The following NTRK3 variants were observed in gnomAD, a reference collection of about 807,000 sequenced individuals.
The protein encoded by NTRK3 is NT-3 growth factor receptor.
NTRK3 carries 24 observed loss-of-function variants against 91.7 expected under a neutral mutation model. The ratio of observed to expected loss-of-function variants is 0.26; its 90% CI spans 0.19 to 0.37. The LOEUF (loss-of-function observed/expected upper bound fraction) is 0.37. Among genes scored for constraint, NTRK3 ranks in the 10% least tolerant of loss-of-function variants. NTRK3 has a pLI of 1.00. For synonymous variants in NTRK3, 483 were observed against 404.0 expected (o/e 1.20, Z -2.34); for missense variants, 880 against 1,068.9 (o/e 0.82, Z 2.46).
At chr15:88,106,038 G>A (rs1262181735) in intron 13 of NTRK3, among the ~76,000 whole-genome samples, 1 of 152,212 alleles carries the variant, frequency 6.6e-6, no homozygotes, top group Non-Finnish European at 1.5e-5. Context: ...AGCATTTGTA[G>A]GTGTGTATGT....
At position 88,210,716 on chromosome 15, in the gene NTRK3, G is replaced by T. The variant is rs528210156; in HGVS notation, c.249-26417C>A. On this transcript the variant is annotated intron_variant, in intron 3 of 18. Coordinates refer to ENST00000394480, the Ensembl canonical transcript of NTRK3. Reference sequence around the variant, plus strand: ...GAAAGCAGAAGCCTTCTCTCATACAGCTCATATCACTGAGTTCTTCTGATT... The same window carrying T: ...GAAAGCAGAAGCCTTCTCTCATACATCTCATATCACTGAGTTCTTCTGATT... Among the ~76,000 whole-genome samples the T allele has an allele frequency of 2.1e-4, 32 of 152,190 alleles. 1 individual carries two copies. Among genetic ancestry groups the T allele is most frequent in the Non-Finnish European group, 3.7e-4 (25 of 68,044 alleles).
chr15:88,025,544 G>A (rs567153350), intron 14 of NTRK3, among the ~76,000 whole-genome samples: 1 of 152,312 alleles, frequency 6.6e-6, no homozygotes, highest in African/African-American at 2.4e-5. Flanking sequence ...GCAGTCTTAT[G>A]AAGACAGAGG....
intron 13 of NTRK3, among the ~76,000 whole-genome samples, chr15:88,095,435 T>C (rs2150806075): frequency 6.6e-6 from 1 of 152,308 alleles, no homozygotes; most frequent in South Asian, 2.1e-4. Context: ...CATTGAACCA[T>C]GGCTCACTTA....
chr15:88,003,498 C>G (rs2076260737), intron 14 of NTRK3, among the ~76,000 whole-genome samples: 1 of 152,104 alleles, frequency 6.6e-6, no homozygotes, highest in Non-Finnish European at 1.5e-5. Context: ...ACATATTGGT[C>G]TAATTTTACT....
intron 3 of NTRK3, among the ~76,000 whole-genome samples, chr15:88,216,125 C>A (rs1239604583): frequency 6.6e-6 from 1 of 152,170 alleles, no homozygotes; most frequent in Non-Finnish European, 1.5e-5. Context: ...AGTGCCCCCA[C>A]TCAATAGTGC....
chr15:87,918,236 T>G (rs1038192464), intron 17 of NTRK3, among the ~76,000 whole-genome samples: 5 of 152,198 alleles, frequency 3.3e-5, no homozygotes, highest in Admixed American at 6.5e-5. Context: ...CTATCCCACA[T>G]GCCACTGCCT....
intron 15 of NTRK3, among the ~76,000 whole-genome samples, chr15:87,934,213 G>A (rs902682282): frequency 6.6e-6 from 1 of 152,140 alleles, no homozygotes; most frequent in South Asian, 2.1e-4. Context: ...GCAGGTGGGC[G>A]CCCCGATTTC....
In NTRK3 at chr15:88,068,174, G is replaced by A. The variant is rs190841248; in HGVS notation, c.1397-35129C>T. On this transcript the variant is annotated intron_variant, in intron 13 of 18. Coordinates refer to ENST00000394480, the Ensembl canonical transcript of NTRK3. ...TGGCCAGGTGCAGTGGCTCACGTCT[G>A]TTACCCCAGCACTTTGGGAGGCTGA... Among the ~76,000 whole-genome samples the A allele has an allele frequency of 5.3e-5, 8 of 152,332 alleles. No homozygotes were observed. The East Asian group carries it at 1.4e-3, about 26-fold the overall frequency.
chr15:88,053,548 A>T (rs1391611140), intron 13 of NTRK3, among the ~76,000 whole-genome samples: 2 of 152,228 alleles, frequency 1.3e-5, no homozygotes, highest in Admixed American at 1.3e-4. Flanking sequence ...GGCCATAGGT[A>T]CGTTGGTCAG....
intron 13 of NTRK3, among the ~76,000 whole-genome samples, chr15:88,060,760 C>T (rs2046146511): frequency 1.3e-5 from 2 of 152,170 alleles, no homozygotes; most frequent in Admixed American, 6.5e-5. Flanking sequence ...AAGCCCCAGT[C>T]ACAGGCTATT....
chr15:87,984,439 G>GTTATCGCTTTT (rs2074560839), intron 14 of NTRK3, among the ~76,000 whole-genome samples: 1 of 152,218 alleles, frequency 6.6e-6, no homozygotes, highest in Non-Finnish European at 1.5e-5. Flanking sequence ...CTTGGGTGTA[G>GTTATCGCTTTT]TTATCGCTTT....
chr15:88,085,321 C>G (rs1343882166), intron 13 of NTRK3, among the ~76,000 whole-genome samples: 1 of 152,334 alleles, frequency 6.6e-6, no homozygotes, highest in South Asian at 2.1e-4. Context: ...CCCACTGACT[C>G]TGGGCTTGGC....
At chr15:88,161,714 G>C (rs1259163807) in intron 5 of NTRK3, among the ~76,000 whole-genome samples, 2 of 152,158 alleles carry the variant, frequency 1.3e-5, no homozygotes, top group African/African-American at 4.8e-5. Flanking sequence ...CTTGTAGAGT[G>C]ATCACACAGT....
chr15:88,079,835 A>C (rs1198810007), intron 13 of NTRK3, among the ~76,000 whole-genome samples: 2 of 152,236 alleles, frequency 1.3e-5, no homozygotes, highest in African/African-American at 2.4e-5. Context: ...AGAAAATAAA[A>C]ATAAAAATCA....
intron 14 of NTRK3, among the ~76,000 whole-genome samples, chr15:88,025,793 C>T (rs1393140156): frequency 6.6e-6 from 1 of 152,170 alleles, no homozygotes; most frequent in African/African-American, 2.4e-5. Flanking sequence ...TAACACAATG[C>T]TTTTCACTAA....
At chr15:88,163,009 A>G (rs1025385884) in intron 5 of NTRK3, among the ~76,000 whole-genome samples, 2 of 152,162 alleles carry the variant, frequency 1.3e-5, no homozygotes, top group East Asian at 3.9e-4. Flanking sequence ...AGAAGGGCAC[A>G]CAAAACCTTC....
chr15:88,176,162 G>C (rs1445785064), intron 5 of NTRK3, among the ~76,000 whole-genome samples: 2 of 113,540 alleles, frequency 1.8e-5, no homozygotes, highest in African/African-American at 4.3e-5. Flanking sequence ...TTTTGAGACA[G>C]AGTCTCACTC....
chr15:88,103,591 A>G (rs995478899), intron 13 of NTRK3, among the ~76,000 whole-genome samples: 4 of 152,148 alleles, frequency 2.6e-5, no homozygotes, highest in African/African-American at 9.7e-5. Flanking sequence ...AAACATATAA[A>G]CTTCTTTCCT....
intron 3 of NTRK3, among the ~76,000 whole-genome samples, chr15:88,247,968 C>T (rs577174198): frequency 6.6e-6 from 1 of 152,228 alleles, no homozygotes; most frequent in African/African-American, 2.4e-5. Context: ...AGACACCCCC[C>T]TTTTGCTCTG....
Sources: allele counts gnomAD v4.1 joint callset (sites outside exome capture counted in the v4.1 genomes callset), GRCh38; gene constraint gnomAD v4.1.1; transcripts MANE v1.5; gene names NCBI Gene and HGNC (gene_info 2026-07-23, HGNC 2026-07-21).